Variants in KDM4C observed in about 807,000 individuals in gnomAD.
KDM4C encodes the protein lysine-specific demethylase 4C.
Under a neutral mutation model 129.3 loss-of-function variants are expected in KDM4C, and 81 were observed. The observed-to-expected ratio is 0.63, with a 90% CI of 0.52 to 0.75. KDM4C has a LOEUF of 0.75. Among genes scored for constraint, KDM4C ranks in the 30% least tolerant of loss-of-function variants. The pLI is 0.00. For missense variants in KDM4C, 1,457 were observed against 1,304.0 expected (o/e 1.12, Z -1.81); for synonymous variants, 573 against 456.1 (o/e 1.26, Z -3.26).
intron 1 of KDM4C, among the ~76,000 whole-genome samples, chr9:6,790,533 C>T (rs1421046035): frequency 6.6e-6 from 1 of 151,070 alleles, no homozygotes; most frequent in East Asian, 2.0e-4. Flanking sequence ...GGATTATAGG[C>T]ATGAGCCCTA....
chr9:6,981,893 G>T (rs1470835217), intron 9 of KDM4C: 7 of 254,374 alleles, frequency 2.8e-5, no homozygotes, highest in Non-Finnish European at 6.6e-5. Flanking sequence ...ATAAGGAAAA[G>T]AATAATGAAG....
At chr9:6,886,322 CTTT>C (rs767744199) in intron 6 of KDM4C, among the ~76,000 whole-genome samples, 1 of 142,198 alleles carries the variant, frequency 7.0e-6, no homozygotes, top group Non-Finnish European at 1.5e-5. Context: ...TCCTTCCTAT[CTTT>C]TTTTTTTTTT....
At chr9:6,820,190 G>A (rs7048549) in intron 4 of KDM4C, among the ~76,000 whole-genome samples, 87,057 of 151,890 alleles carry the variant, frequency 0.57, 25,695 homozygotes, top group African/African-American at 0.73. Context: ...GGGAGAGGCA[G>A]TATGAGCAGG....
At chr9:7,046,803 TG>T in intron 15 of KDM4C, 58 bp from the exon 16 acceptor site, 1 of 1,086,334 alleles carries the variant, frequency 9.2e-7, no homozygotes, top group Non-Finnish European at 1.4e-6. Context: ...TTTAGATGAA[TG>T]GTAATGACTT....
At position 6,962,633 on chromosome 9, in the gene KDM4C, C is replaced by T. The variant is rs148559224; in HGVS notation, c.922-18292C>T. Among the ~76,000 whole-genome samples the T allele has an allele frequency of 3.5e-3, 532 of 151,982 alleles. 3 individuals carry two copies. The highest frequency in any genetic ancestry group is 0.011 in the African/African-American group (463 of 41,452). The stretch of plus-strand genomic sequence containing the variant: ...ATGATAGATTCTGTAAAATAAGATA[C>T]ATTTCTTTGTTCCATTAGTAGAGAA... On this transcript the variant is annotated intron_variant, in intron 8 of 21. Transcript: ENST00000381309.
At chr9:6,900,039 A>C (rs566556265) in intron 8 of KDM4C, among the ~76,000 whole-genome samples, 1 of 152,360 alleles carries the variant, frequency 6.6e-6, no homozygotes, top group African/African-American at 2.4e-5. Flanking sequence ...TAAATACAAT[A>C]GTAATAATAT....
intron 8 of KDM4C, among the ~76,000 whole-genome samples, chr9:6,896,967 A>T (rs1266187123): frequency 6.6e-6 from 1 of 152,206 alleles, no homozygotes; most frequent in African/African-American, 2.4e-5. Context: ...TTGTTCAATA[A>T]ATCTTCCTGG....
chr9:6,862,846 C>CA (rs908350093), intron 5 of KDM4C, among the ~76,000 whole-genome samples: 12 of 149,892 alleles, frequency 8.0e-5, no homozygotes, highest in African/African-American at 2.0e-4. Context: ...AAACAAAAAA[C>CA]AAAAAAAAAT....
At chr9:6,875,913 A>G (rs957314833) in intron 5 of KDM4C, among the ~76,000 whole-genome samples, 2 of 152,188 alleles carry the variant, frequency 1.3e-5, no homozygotes, top group Admixed American at 1.3e-4. Flanking sequence ...TATAAAGGAA[A>G]ATTTTGGGAC....
rs140122137 is a variant in KDM4C at position 6,919,292 on chromosome 9, T to C, written c.921+26060T>C. On this transcript the variant is annotated intron_variant, in intron 8 of 21. Transcript: ENST00000381309. The stretch of plus-strand genomic sequence containing the variant: ...CTTTCTGTCTCTCTCTCTCTCTTTC[T>C]TTCTTTCTTTCATTGAGATTTTGGA... 6.8e-5 allele frequency among the ~76,000 whole-genome samples: 9 copies of C among 131,436 alleles called. No individual in the cohort carries two copies. The East Asian group carries it at 2.1e-3, about 31-fold the overall frequency. 86.2% of individuals were successfully genotyped at this position (131,436 alleles called of 152,430 possible). A position where few individuals can be genotyped will look rare whatever the true frequency, so the allele number is the denominator to read the frequency against.
intron 4 of KDM4C, among the ~76,000 whole-genome samples, chr9:6,823,987 C>T (rs991043982): frequency 9.2e-5 from 14 of 152,256 alleles, no homozygotes; most frequent in Non-Finnish European, 1.5e-4. Flanking sequence ...TTAATGTGGG[C>T]GCTAGAAATA....
intron 17 of KDM4C, among the ~76,000 whole-genome samples, chr9:7,085,230 G>A (rs1296216962): frequency 6.6e-6 from 1 of 152,234 alleles, no homozygotes; most frequent in Non-Finnish European, 1.5e-5. Flanking sequence ...GGGCATATTT[G>A]GCTCAGGGCC....
chr9:7,093,880 A>G (rs529556645), intron 17 of KDM4C, among the ~76,000 whole-genome samples: 15 of 152,354 alleles, frequency 9.8e-5, no homozygotes, highest in African/African-American at 3.4e-4. Context: ...GACTGGTATT[A>G]TCTAGGTGAA....
At chr9:7,020,636 A>G (rs146415937) in intron 15 of KDM4C, among the ~76,000 whole-genome samples, 57 of 152,310 alleles carry the variant, frequency 3.7e-4, no homozygotes, top group African/African-American at 1.2e-3. Flanking sequence ...TTGACTCTTC[A>G]TGTACATCTC....
At chr9:6,882,803 T>C (rs1890916) in intron 6 of KDM4C, among the ~76,000 whole-genome samples, 29,442 of 147,790 alleles carry the variant, frequency 0.2, 3,806 homozygotes, top group East Asian at 0.67. Context: ...TGTGTGTGTG[T>C]GTGCGCGTGT....
intron 1 of KDM4C, chr9:6,735,148 G>A (rs539356964): frequency 1.6e-4 from 35 of 213,874 alleles, no homozygotes; most frequent in Admixed American, 1.3e-3. Context: ...ACCTGTCCCC[G>A]CCCCCACCCC....
chr9:6,984,815 G>GAAC (rs112861053), intron 10 of KDM4C, among the ~76,000 whole-genome samples: 84,292 of 151,698 alleles, frequency 0.56, 23,880 homozygotes, highest in South Asian at 0.73. Flanking sequence ...AAGGTTTTAA[G>GAAC]AACAACAATA....
intron 8 of KDM4C, among the ~76,000 whole-genome samples, chr9:6,950,470 T>G (rs1827933694): frequency 6.6e-6 from 1 of 152,150 alleles, no homozygotes; most frequent in African/African-American, 2.4e-5. Context: ...GTTGATAGAT[T>G]TGAGGGGAAG....
At chr9:6,829,101 G>C (rs1000091236) in intron 4 of KDM4C, among the ~76,000 whole-genome samples, 18 of 152,202 alleles carry the variant, frequency 1.2e-4, no homozygotes, top group Non-Finnish European at 1.5e-4. Context: ...GGAGCTTACT[G>C]GTTAGCTTGA....
Sources: gnomAD v4.1 joint callset for allele counts (sites outside exome capture counted in the v4.1 genomes callset) on GRCh38, gnomAD v4.1.1 for gene constraint, MANE v1.5 for transcripts, NCBI Gene and HGNC (gene_info 2026-07-23, HGNC 2026-07-21) for gene names.